The following ADAMTSL1 variants were observed in gnomAD, a reference collection of about 807,000 sequenced individuals.
The protein encoded by ADAMTSL1 is ADAMTS-like protein 1.
A neutral mutation model predicts 201.8 loss-of-function variants in ADAMTSL1; 126 were observed. The ratio of observed to expected loss-of-function variants is 0.62; its 90% CI spans 0.54 to 0.72. The LOEUF (loss-of-function observed/expected upper bound fraction) is 0.72. Ranked by LOEUF, ADAMTSL1 falls within the 30% of genes least tolerant of loss-of-function variation. The pLI is 0.00. For missense variants in ADAMTSL1, 2,679 were observed against 2,277.8 expected, an observed-to-expected ratio of 1.18 and a Z score of -3.59; for synonymous variants, 1,121 against 903.4, an observed-to-expected ratio of 1.24 and a Z score of -4.32.
At chr9:18,672,814 T>G (rs561486401) in intron 9 of ADAMTSL1, among the ~76,000 whole-genome samples, 209 of 152,318 alleles carry the variant, frequency 1.4e-3, no homozygotes, top group Middle Eastern at 0.014. Context: ...ACATGTATTT[T>G]GAGAGGATGA....
intron 1 of ADAMTSL1, among the ~76,000 whole-genome samples, chr9:18,020,665 G>C (rs1820443444): frequency 6.6e-6 from 1 of 151,990 alleles, no homozygotes; most frequent in South Asian, 2.1e-4. Context: ...TAAACGCCTG[G>C]GGATTACAAT....
At chr9:18,448,027 T>TTC (rs10557934) in intron 2 of ADAMTSL1, among the ~76,000 whole-genome samples, 3,238 of 149,822 alleles carry the variant, frequency 0.022, 43 homozygotes, top group South Asian at 0.045. Flanking sequence ...CTCTCGCTCT[T>TTC]TCTCTCTCTC....
At chr9:18,670,711 A>G (rs1829756986) in intron 9 of ADAMTSL1, among the ~76,000 whole-genome samples, 1 of 152,236 alleles carries the variant, frequency 6.6e-6, no homozygotes. Flanking sequence ...ATTATTTACT[A>G]ATCACCTGTG....
intron 13 of ADAMTSL1, among the ~76,000 whole-genome samples, chr9:18,688,020 A>T (rs530813725): frequency 1.7e-4 from 25 of 151,444 alleles, no homozygotes; most frequent in Non-Finnish European, 2.8e-4. Context: ...CTACATGTTG[A>T]TTTTTTTTCC....
intron 2 of ADAMTSL1, among the ~76,000 whole-genome samples, chr9:18,384,388 C>T (rs970704373): frequency 1.3e-5 from 2 of 152,168 alleles, no homozygotes; most frequent in African/African-American, 2.4e-5. Context: ...CCTCCCCCAA[C>T]ATTGGGAATT....
At chr9:18,163,372 C>G (rs887580201) in intron 1 of ADAMTSL1, among the ~76,000 whole-genome samples, 1 of 152,012 alleles carries the variant, frequency 6.6e-6, no homozygotes, top group Non-Finnish European at 1.5e-5. Flanking sequence ...TAAAGTACAT[C>G]TGGTTCTAAA....
chr9:18,628,857 C>G lies in ADAMTSL1; in HGVS notation c.601+6488C>G, dbSNP rs547684613. ...ACTATTGCAAATGGCATTATATTCT[C>G]TTTTTTAAAATTAGAGATGAGGTTT... is the stretch of plus-strand genomic sequence containing the variant. On this transcript the variant is annotated intron_variant, in intron 5 of 28. Coordinates refer to ENST00000380548, the MANE Select transcript of ADAMTSL1 (RefSeq NM_001040272.6). 1.3e-4 allele frequency among the ~76,000 whole-genome samples: 20 copies of G among 152,144 alleles called. 1 individual carries two copies. In the East Asian group the frequency reaches 3.9e-3, roughly 29 times the overall value.
At chr9:18,874,756 G>C (rs1409014751) in intron 23 of ADAMTSL1, among the ~76,000 whole-genome samples, 1 of 151,988 alleles carries the variant, frequency 6.6e-6, no homozygotes, top group African/African-American at 2.4e-5. Flanking sequence ...TCCTGGTTTT[G>C]GTATTAGGAT....
intron 2 of ADAMTSL1, among the ~76,000 whole-genome samples, chr9:18,461,662 G>T (rs1290920352): frequency 1.3e-5 from 2 of 152,094 alleles, no homozygotes; most frequent in East Asian, 3.9e-4. Flanking sequence ...GCAGTATCTT[G>T]CCCTAACCTG....
intron 14 of ADAMTSL1, chr9:18,718,559 A>T: frequency 2.1e-6 from 1 of 471,886 alleles, no homozygotes; most frequent in East Asian, 5.4e-5. Flanking sequence ...AGTACCTCTC[A>T]CGCTGTCACC....
intron 15 of ADAMTSL1, among the ~76,000 whole-genome samples, chr9:18,734,836 C>G (rs1259900751): frequency 6.6e-6 from 1 of 152,140 alleles, no homozygotes; most frequent in Admixed American, 6.6e-5. Context: ...TCCAAGAAAC[C>G]TCAGGGCAGT....
At chr9:18,369,894 A>G (rs887757192) in intron 2 of ADAMTSL1, among the ~76,000 whole-genome samples, 4 of 152,196 alleles carry the variant, frequency 2.6e-5, no homozygotes, top group Non-Finnish European at 4.4e-5. Flanking sequence ...ACCTAAGTGA[A>G]ATAACTCAAA....
chr9:18,689,034 G>A (rs538696935), intron 13 of ADAMTSL1, among the ~76,000 whole-genome samples: 2 of 152,110 alleles, frequency 1.3e-5, no homozygotes, highest in East Asian at 1.9e-4. Context: ...GCCAGATTGA[G>A]CCCATCTGGT....
chr9:18,129,789 A>AGAGCATAGGGTT (rs1303651054), intron 1 of ADAMTSL1, among the ~76,000 whole-genome samples: 1 of 152,210 alleles, frequency 6.6e-6, no homozygotes, highest in Non-Finnish European at 1.5e-5. Flanking sequence ...CAAAATGGTC[A>AGAGCATAGGGTT]GAGCATAGGG....
intron 4 of ADAMTSL1, among the ~76,000 whole-genome samples, chr9:18,593,356 A>T (rs1053990944): frequency 6.6e-6 from 1 of 152,072 alleles, no homozygotes; most frequent in South Asian, 2.1e-4. Context: ...CTAAGAAACT[A>T]TTTTTGTTTC....
At chr9:18,575,066 C>A (rs749294411) in intron 4 of ADAMTSL1, among the ~76,000 whole-genome samples, 1 of 152,106 alleles carries the variant, frequency 6.6e-6, no homozygotes, top group African/African-American at 2.4e-5. Context: ...AGAGTATTTG[C>A]CTTTTCCAAC....
At chr9:18,052,835 T>C (rs1396069533) in intron 1 of ADAMTSL1, among the ~76,000 whole-genome samples, 2 of 152,190 alleles carry the variant, frequency 1.3e-5, no homozygotes, top group Non-Finnish European at 2.9e-5. Context: ...CAGGAAATTC[T>C]CTGTACATTT....
At chr9:18,303,964 C>T (rs566285430) in intron 2 of ADAMTSL1, among the ~76,000 whole-genome samples, 26 of 152,138 alleles carry the variant, frequency 1.7e-4, no homozygotes, top group African/African-American at 5.8e-4. Flanking sequence ...GGTGACAGCT[C>T]CCTTCCCAGA....
intron 2 of ADAMTSL1, among the ~76,000 whole-genome samples, chr9:18,433,520 A>G (rs1246587727): frequency 6.6e-6 from 1 of 152,118 alleles, no homozygotes; most frequent in East Asian, 1.9e-4. Context: ...GAAATTGGGG[A>G]AGCCAAATTG....
Sources: gnomAD v4.1 joint callset for allele counts (sites outside exome capture counted in the v4.1 genomes callset) on GRCh38, gnomAD v4.1.1 for gene constraint, MANE v1.5 for transcripts, NCBI Gene and HGNC (gene_info 2026-07-23, HGNC 2026-07-21) for gene names.